Variants in MEGF8 observed in about 807,000 individuals in gnomAD.
The protein encoded by MEGF8 is multiple epidermal growth factor-like domains protein 8.
Under a neutral mutation model 302.9 loss-of-function variants are expected in MEGF8, and 156 were observed. That is an observed-to-expected ratio of 0.52 (90% CI 0.45 to 0.59). The LOEUF is 0.59. MEGF8 is among the 20% of genes least tolerant of loss of function. The pLI, the probability that MEGF8 is intolerant of heterozygous loss-of-function variation, is 0.00. For missense variants in MEGF8, 3,345 were observed against 3,964.5 expected (o/e 0.84, Z 4.20); for synonymous variants, 1,621 against 1,660.5 (o/e 0.98, Z 0.58).
chr19:42,367,922 A>G (rs2039630834), intron 35 of MEGF8, among the ~76,000 whole-genome samples: 1 of 151,904 alleles, frequency 6.6e-6, no homozygotes, highest in Non-Finnish European at 1.5e-5. Context: ...GCGATCTTCC[A>G]GTTTATTTTC....
Position 42,371,430 on chromosome 19 carries a change from G to A in MEGF8, c.7217G>A (p.Gly2406Asp). The A allele has an allele frequency of 1.2e-6, 2 of 1,613,966 alleles. No homozygotes were observed. The highest frequency in any genetic ancestry group is 1.7e-6 in the Non-Finnish European group (2 of 1,179,892). Reference protein sequence around the residue: ...GCPCQNNTETGTCQGSSPSDR... With the variant: ...GCPCQNNTETDTCQGSSPSDR... ...CCATGTCAGAATAACACAGAGACGG[G>A]CACATGCCAGGGCAGCTCCCCCAGT... is the stretch of plus-strand genomic sequence containing the variant. Residue 2406 changes from glycine (G) to aspartate (D), a missense_variant, in exon 41 of 42, where the codon GGC (glycine) becomes GAC (aspartate). Transcript: ENST00000251268.
In MEGF8 at chr19:42,357,629, G is replaced by A. The variant is rs1308086774; in HGVS notation, c.5011+45G>A. The A allele has an allele frequency of 1.3e-6, 2 of 1,520,974 alleles. No homozygotes were observed. Among genetic ancestry groups the A allele is most frequent in the Non-Finnish European group, 8.8e-7 (1 of 1,130,572 alleles). The allele number at this position is 1,520,974 out of a possible 1,614,324, so 94.2% of individuals were successfully genotyped here. A position where few individuals can be genotyped will look rare whatever the true frequency, so the allele number is the denominator to read the frequency against. ...GGGGACAGCCCCCGTGGACCTCCCG[G>A]GCATCTGGGCTTCCTGTGGGCTCTC... is the stretch of plus-strand genomic sequence containing the variant. On this transcript the variant is annotated intron_variant, in intron 28 of 41. Coordinates refer to ENST00000251268, the MANE Select transcript of MEGF8 (RefSeq NM_001271938.2). The surrounding 1 kb of genome is among the most constrained non-coding windows in gnomAD (Gnocchi z 5.2).
chr19:42,360,661 T>C, intron 31 of MEGF8, 114 bp from the exon 32 acceptor site: 1 of 1,505,994 alleles, frequency 6.6e-7, no homozygotes, highest in Non-Finnish European at 8.8e-7. Flanking sequence ...CTGCTGTCCT[T>C]TGACCCTGTG....
chr19:42,337,537 T>C (rs532841221), intron 8 of MEGF8, among the ~76,000 whole-genome samples: 22 of 148,260 alleles, frequency 1.5e-4, no homozygotes, highest in Non-Finnish European at 2.8e-4. Flanking sequence ...AGACGGAGTC[T>C]CGCTGTTGCC....
rs750576656 is a variant in MEGF8, at chr19:42,373,706, GTTTTTTTTTTTTT to G, written c.7270-1788_7270-1776del. Among the ~76,000 whole-genome samples the G allele has an allele frequency of 4.6e-3, 466 of 101,002 alleles. 3 individuals carry two copies. The Middle Eastern group carries it at 0.047, about 10-fold the overall frequency. 66.3% of individuals were successfully genotyped at this position (101,002 alleles called of 152,430 possible). On this transcript the variant is annotated intron_variant, in intron 41 of 41. Transcript: ENST00000251268. The stretch of plus-strand genomic sequence containing the variant: ...CCACCGTGCCTGGTTGGGCTTTTGG[GTTTTTTTTTTTTT>G]TTTTTTTTTTTTGATACAGGGCTTA...
In MEGF8 at chr19:42,360,932, A is replaced by C; in HGVS notation, c.5646A>C (p.Ser1882=). 1 of 1,609,078 alleles carries C rather than the reference A, an allele frequency of 6.2e-7. No individual in the cohort carries two copies. The highest frequency in any genetic ancestry group is 8.5e-7 in the Non-Finnish European group (1 of 1,177,024). ...CTGACCCCTGCCGCCTGCTGTCCTC[A>C]CCTGAAGCTTGTAACCAGTCTGGGG... is the stretch of plus-strand genomic sequence containing the variant. The part of the protein sequence containing the change: ...LPPDPCRLLS[S]PEACNQSGAC... The change falls in exon 32 of 42, where the codon TCA becomes TCC. Residue 1882 remains serine, a synonymous_variant. Transcript: ENST00000251268.
At position 42,354,202 on chromosome 19, in the gene MEGF8, G is replaced by GAAA. The variant is rs1470537404; in HGVS notation, c.4011+179_4011+180insAAA. 6.7e-6 allele frequency among the ~76,000 whole-genome samples: 1 copy of GAAA among 149,570 alleles called. No individual in the cohort carries two copies. The highest frequency in any genetic ancestry group is 1.5e-5 in the Non-Finnish European group (1 of 67,608). On this transcript the variant is annotated intron_variant, in intron 22 of 41. Transcript: ENST00000251268. This position sits in a 1 kb window ranked among gnomAD's most constrained non-coding sequence, Gnocchi z 4.3. ...CACTTTGTTCCTAGGCCCACAGACA[G>GAAA]ACCCCCCCATTTCCCAGATAGCTTC...
rs752130198 is a variant in MEGF8, at chr19:42,362,094, G to A, written c.5725G>A (p.Gly1909Ser). The A allele has an allele frequency of 1.2e-6, 2 of 1,611,980 alleles. No homozygotes were observed. The highest frequency in any genetic ancestry group is 2.2e-5 in the East Asian group (1 of 44,852). Residue 1909 changes from glycine (G) to serine (S), a missense_variant, in exon 33 of 42, where the codon GGC (glycine) becomes AGC (serine). Coordinates refer to ENST00000251268, the MANE Select transcript of MEGF8 (RefSeq NM_001271938.2). Reference protein sequence around the residue: ...CLSGDQAHRLGCGGSPCSPMP... With the variant: ...CLSGDQAHRLSCGGSPCSPMP... ...GCCAGGCCTCATGTCCTTTAGGCTG[G>A]GCTGCGGGGGCTCCCCCTGCTCCCC...
chr19:42,359,860 T>A (rs2039506379), intron 31 of MEGF8, among the ~76,000 whole-genome samples: 1 of 149,774 alleles, frequency 6.7e-6, no homozygotes, highest in Non-Finnish European at 1.5e-5. Flanking sequence ...ATAATTTTTT[T>A]TTTTTTTTTT....
At position 42,354,051 on chromosome 19, in the gene MEGF8, G is replaced by A. The variant is rs1231109429; in HGVS notation, c.4011+27G>A. 1 of 1,576,848 alleles carries A rather than the reference G, an allele frequency of 6.3e-7. No individual in the cohort carries two copies. The highest frequency in any genetic ancestry group is 8.6e-7 in the Non-Finnish European group (1 of 1,163,344). On this transcript the variant is annotated intron_variant, in intron 22 of 41. Coordinates refer to ENST00000251268, the MANE Select transcript of MEGF8 (RefSeq NM_001271938.2). This position sits in a 1 kb window ranked among gnomAD's most constrained non-coding sequence, Gnocchi z 4.3. ...TGAGCACTGAGGAAACGAGGGTTCA[G>A]GCGCATGAGCCAGAACCGTGTCCCC... is the stretch of plus-strand genomic sequence containing the variant.
At chr19:42,340,110 A>G (rs2039191301) in intron 8 of MEGF8, among the ~76,000 whole-genome samples, 1 of 152,224 alleles carries the variant, frequency 6.6e-6, no homozygotes, top group Non-Finnish European at 1.5e-5. Context: ...CAGTTTGCTC[A>G]TCTGTGAAAT....
At chr19:42,365,907 C>A (rs2147502368) in intron 35 of MEGF8, among the ~76,000 whole-genome samples, 1 of 151,722 alleles carries the variant, frequency 6.6e-6, no homozygotes, top group African/African-American at 2.4e-5. Context: ...TATGGTGAAA[C>A]CCTGTCTCTA....
At chr19:42,338,812 T>C (rs1364414626) in intron 8 of MEGF8, among the ~76,000 whole-genome samples, 6 of 150,662 alleles carry the variant, frequency 4.0e-5, no homozygotes, top group African/African-American at 9.7e-5. Context: ...TTTTTTTTTT[T>C]TTCTTTCTAT....
At position 42,334,150 on chromosome 19, in the gene MEGF8, G is replaced by T; in HGVS notation, c.495G>T (p.Gly165=). 6.2e-7 allele frequency: 1 copy of T among 1,611,600 alleles called. No homozygotes were observed. The highest frequency in any genetic ancestry group is 1.7e-5 in the Admixed American group (1 of 59,976). The part of the protein sequence containing the change: ...PGVCACEPGW[G]GPDCGLQECS... ...TGTGTGCCTGCGAGCCGGGCTGGGGGGGTCCTGACTGTGGCCTGCAGGAGT... is the reference window on the plus strand; with the variant it reads ...TGTGTGCCTGCGAGCCGGGCTGGGGTGGTCCTGACTGTGGCCTGCAGGAGT... Residue 165 remains glycine, a synonymous_variant, in exon 3 of 42, where the codon GGG becomes GGT. Transcript: ENST00000251268.
intron 1 of MEGF8, 48 bp from the exon 2 acceptor site, chr19:42,333,557 G>T (rs1442460277): frequency 6.3e-7 from 1 of 1,575,658 alleles, no homozygotes; most frequent in African/African-American, 1.3e-5. Context: ...GGGAGGTGTG[G>T]GGAGAAGGTC....
At position 42,343,817 on chromosome 19, in the gene MEGF8, G is replaced by A. The variant is rs142484057; in HGVS notation, c.1669-137G>A. ...CTAGAGGTCCCTGGGCCTGGGGGAG[G>A]AATGGATGGGCATGCTGAGCACTCA... On this transcript the variant is annotated intron_variant, in intron 9 of 41. Coordinates refer to ENST00000251268, the MANE Select transcript of MEGF8 (RefSeq NM_001271938.2). The A allele has an allele frequency of 6.3e-3, 8,742 of 1,380,586 alleles. 52 individuals are homozygous for A. Among genetic ancestry groups the A allele is most frequent in the Middle Eastern group, 0.012 (54 of 4,332 alleles). 85.5% of individuals were successfully genotyped at this position (1,380,586 alleles called of 1,614,324 possible).
rs1215389014 is a variant in MEGF8 at position 42,351,794 on chromosome 19, C to T, written c.3101+33C>T. 17 of 1,524,362 alleles carry T rather than the reference C, an allele frequency of 1.1e-5. No individual in the cohort carries two copies. The highest frequency in any genetic ancestry group is 1.9e-4 in the Middle Eastern group (1 of 5,274). 94.4% of individuals were successfully genotyped at this position (1,524,362 alleles called of 1,614,324 possible). A position where few individuals can be genotyped will look rare whatever the true frequency, so the allele number is the denominator to read the frequency against. On this transcript the variant is annotated intron_variant, in intron 18 of 41. Transcript: ENST00000251268. This position sits in a 1 kb window ranked among gnomAD's most constrained non-coding sequence, Gnocchi z 5.6. ...CGGGCAGGTGGGTGGGCAGGGTGCC[C>T]GGCTGTGTCCTTCCTCCATGACCGG... is the stretch of plus-strand genomic sequence containing the variant.
Position 42,348,450 on chromosome 19 carries a change from G to A in MEGF8, c.2276G>A (p.Arg759His), listed in dbSNP as rs1465559937. 6.6e-6 allele frequency: 10 copies of A among 1,525,578 alleles called. No homozygotes were observed. Among genetic ancestry groups the A allele is most frequent in the South Asian group, 1.2e-5 (1 of 83,508 alleles). The allele number at this position is 1,525,578 out of a possible 1,614,324, so 94.5% of individuals were successfully genotyped here. Residue 759 changes from arginine to histidine, a missense_variant, in exon 13 of 42, where the codon CGT (arginine) becomes CAT (histidine). Physicochemically the swap from Arg to His is conservative, Grantham distance 29 (BLOSUM62 0). Coordinates refer to ENST00000251268, the MANE Select transcript of MEGF8 (RefSeq NM_001271938.2). Reference protein sequence around the residue: ...QRLHVLARMARGPDTENMEEV... With the variant: ...QRLHVLARMAHGPDTENMEEV... Reference sequence around the variant, plus strand: ...CTACACGTCCTGGCCCGGATGGCCCGTGGCCCTGACACGGAGAACATGGTG... The same window carrying A: ...CTACACGTCCTGGCCCGGATGGCCCATGGCCCTGACACGGAGAACATGGTG...
At chr19:42,328,498 T>C (rs996555579) in intron 1 of MEGF8, among the ~76,000 whole-genome samples, 7 of 151,744 alleles carry the variant, frequency 4.6e-5, no homozygotes, top group Non-Finnish European at 7.4e-5. Context: ...TTCTCAGTGA[T>C]AGCATGTCTA....
Sources: gnomAD v4.1 joint callset for allele counts (sites outside exome capture counted in the v4.1 genomes callset) on GRCh38, gnomAD v4.1.1 for gene constraint, Gnocchi (gnomAD v3.1) non-coding constraint, MANE v1.5 for transcripts, NCBI Gene and HGNC (gene_info 2026-07-23, HGNC 2026-07-21) for gene names.